ZNF324B: variants seen among roughly 807,000 people sequenced by gnomAD.
ZNF324B encodes the protein zinc finger protein 324B.
ZNF324B carries 7 observed loss-of-function variants against 10.6 expected under a neutral mutation model. That is an observed-to-expected ratio of 0.66 (90% CI 0.38 to 1.24). ZNF324B has a LOEUF of 1.24. Among genes scored for constraint, ZNF324B ranks in the 50% most tolerant of loss-of-function variants. ZNF324B has a pLI of 0.02. For missense variants in ZNF324B, 640 were observed against 764.7 expected, an observed-to-expected ratio of 0.84 and a Z score of 1.92; for synonymous variants, 316 against 321.0, an observed-to-expected ratio of 0.98 and a Z score of 0.17.
In ZNF324B at chr19:58,455,553, T is replaced by C. The variant is rs28703876; in HGVS notation, c.609T>C (p.Pro203=). ...ERQKPCAQEV[P]GRAFGNASDL... ...AGAAGCCATGTGCACAGGAGGTCCC[T>C]GGGAGAGCCTTCGGGAATGCCTCGG... Residue 203 remains proline, a synonymous_variant, in exon 4 of 4, where the codon CCT becomes CCC. Transcript: ENST00000336614. This position sits in a 1 kb window ranked among gnomAD's most constrained non-coding sequence, Gnocchi z 7.0. The C allele has an allele frequency of 1.2e-5, 19 of 1,613,974 alleles. No homozygotes were observed. The highest frequency in any genetic ancestry group is 1.5e-5 in the Non-Finnish European group (18 of 1,180,020).
chr19:58,443,861 C>T, the ZNF324B span: 2 of 152,252 alleles, frequency 1.3e-5, no homozygotes, highest in African/African-American at 4.8e-5. Context: ...GGTGATTTGT[C>T]ATGGGGTGGA....
At chr19:58,443,672 C>T in the ZNF324B span, 6 of 152,258 alleles carry the variant, frequency 3.9e-5, no homozygotes, top group Non-Finnish European at 7.3e-5. Flanking sequence ...CTGTCAGGAT[C>T]TGTGACTTTT....
At chr19:58,433,195 A>T in the ZNF324B span, 4 of 986,978 alleles carry the variant, frequency 4.1e-6, no homozygotes, top group South Asian at 6.6e-5. Context: ...TCAGAAACAG[A>T]GTAGCTTCTG....
rs1395596724 is a variant in ZNF324B at position 58,456,000 on chromosome 19, C to T, written c.1056C>T (p.His352=). The part of the protein sequence containing the change: ...RCSECGKAFS[H]GSNLSQHRKI... ...CCGAGTGCGGCAAGGCCTTCAGCCA[C>T]GGCTCCAACCTCAGCCAGCACCGCA... is the stretch of plus-strand genomic sequence containing the variant. The change falls in exon 4 of 4, where the codon CAC becomes CAT. Residue 352 remains histidine (H), a synonymous_variant. Coordinates refer to ENST00000336614, the MANE Select transcript of ZNF324B (RefSeq NM_207395.3). This position sits in a 1 kb window ranked among gnomAD's most constrained non-coding sequence, Gnocchi z 7.0. 1 of 1,594,808 alleles carries T rather than the reference C, an allele frequency of 6.3e-7. No homozygotes were observed. The highest frequency in any genetic ancestry group is 1.9e-4 in the Middle Eastern group (1 of 5,326).
At chr19:58,439,586 G>A in the ZNF324B span, among the ~76,000 whole-genome samples, 16 of 152,350 alleles carry the variant, frequency 1.1e-4, no homozygotes, top group African/African-American at 3.8e-4. Context: ...ATAACCCCTT[G>A]CCTGGATTCA....
chr19:58,423,138 G>A, the ZNF324B span, among the ~76,000 whole-genome samples: 4 of 149,830 alleles, frequency 2.7e-5, no homozygotes, highest in Admixed American at 2.7e-4. Context: ...CAAAGTGCTG[G>A]GATTACAAGC....
chr19:58,448,766 A>C (rs2052838394), upstream of ZNF324B, among the ~76,000 whole-genome samples: 1 of 152,176 alleles, frequency 6.6e-6, no homozygotes, highest in African/African-American at 2.4e-5. Flanking sequence ...TGGTGGAAGA[A>C]ATTTCTAAGC....
the ZNF324B span, chr19:58,440,078 C>T: frequency 5.9e-6 from 3 of 505,248 alleles, no homozygotes; most frequent in African/African-American, 6.1e-5. Flanking sequence ...GGTCCCTGCA[C>T]CCACTCCCGT....
At position 58,457,096 on chromosome 19, in the gene ZNF324B, G is replaced by A. The variant is rs1393149050; in HGVS notation, c.*517G>A. 1 of 163,172 alleles carries A rather than the reference G, an allele frequency of 6.1e-6. No homozygotes were observed. The highest frequency in any genetic ancestry group is 1.4e-5 in the Non-Finnish European group (1 of 73,970). 10.1% of individuals were successfully genotyped at this position (163,172 alleles called of 1,614,324 possible). A position where few individuals can be genotyped will look rare whatever the true frequency, so the allele number is the denominator to read the frequency against. ...GGAGACTACAGGGGACTGGGGATCA[G>A]GGTGTGGCCTGTGAGTGTCAGCCTC... On this transcript the variant is annotated 3_prime_UTR_variant, in exon 4 of 4. Transcript: ENST00000336614.
chr19:58,449,114 T>C (rs11669741), upstream of ZNF324B, among the ~76,000 whole-genome samples: 85,485 of 152,068 alleles, frequency 0.56, 25,508 homozygotes, highest in African/African-American at 0.78. Context: ...CTGCTTGAAC[T>C]ATGGCTAAAA....
At chr19:58,437,046 C>A in the ZNF324B span, 1 of 1,614,126 alleles carries the variant, frequency 6.2e-7, no homozygotes, top group Non-Finnish European at 8.5e-7. Flanking sequence ...CAGGGCATTA[C>A]CAAGTGAGGT....
In ZNF324B at chr19:58,456,628, C is replaced by A; in HGVS notation, c.*49C>A. The A allele has an allele frequency of 1.3e-6, 2 of 1,576,436 alleles. No individual in the cohort carries two copies. Among genetic ancestry groups the A allele is most frequent in the South Asian group, 1.2e-5 (1 of 84,856 alleles). ...TTTCTTGGCCTTCTGTGAATCCCTT[C>A]CACAGCTAAAGGGTCCGAGTGCTCT... On this transcript the variant is annotated 3_prime_UTR_variant, in exon 4 of 4. Transcript: ENST00000336614. The surrounding 1 kb of genome is among the most constrained non-coding windows in gnomAD (Gnocchi z 4.7).
In ZNF324B at chr19:58,455,250, A is replaced by G; in HGVS notation, c.306A>G (p.Pro102=). Residue 102 remains proline, a synonymous_variant, in exon 4 of 4, where the codon CCA becomes CCG. Coordinates refer to ENST00000336614, the MANE Select transcript of ZNF324B (RefSeq NM_207395.3). This position sits in a 1 kb window ranked among gnomAD's most constrained non-coding sequence, Gnocchi z 7.0. The part of the protein sequence containing the change: ...GEWPRAFPDT[P]PGMTTSVFPV... ...GGCCACGAGCTTTCCCAGATACCCCACCTGGGATGACTACTAGCGTCTTCC... is the reference window on the plus strand; with the variant it reads ...GGCCACGAGCTTTCCCAGATACCCCGCCTGGGATGACTACTAGCGTCTTCC... The G allele has an allele frequency of 6.2e-7, 1 of 1,614,138 alleles. No individual in the cohort carries two copies. The highest frequency in any genetic ancestry group is 8.5e-7 in the Non-Finnish European group (1 of 1,180,024).
chr19:58,457,689 A>C lies in ZNF324B; in HGVS notation c.*1110A>C, dbSNP rs2052935867. The C allele has an allele frequency of 6.6e-6, 1 of 152,140 alleles. No individual in the cohort carries two copies. Among genetic ancestry groups the C allele is most frequent in the Non-Finnish European group, 1.5e-5 (1 of 68,066 alleles). The allele number at this position is 152,140 out of a possible 1,614,324, so 9.4% of individuals were successfully genotyped here. On this transcript the variant is annotated 3_prime_UTR_variant, in exon 4 of 4. Transcript: ENST00000336614. ...CTGCATGGCAGAGACAAAAGGGTAG[A>C]CTGGGGGTCATTTGCTTCCTGTGGC...
chr19:58,424,558 C>T, the ZNF324B span, among the ~76,000 whole-genome samples: 2 of 152,100 alleles, frequency 1.3e-5, no homozygotes, highest in African/African-American at 2.4e-5. Flanking sequence ...TTATTAGAAT[C>T]GTTAAAATGA....
At chr19:58,426,277 G>A in the ZNF324B span, among the ~76,000 whole-genome samples, 9 of 152,204 alleles carry the variant, frequency 5.9e-5, no homozygotes, top group African/African-American at 1.7e-4. Context: ...GGCGTGGTAG[G>A]ACAACATTGT....
At chr19:58,435,694 T>C in the ZNF324B span, 1 of 157,388 alleles carries the variant, frequency 6.4e-6, no homozygotes, top group African/African-American at 2.4e-5. Context: ...GAAAACAGTT[T>C]GGCAAGTCTG....
chr19:58,447,565 C>T (rs377518778), upstream of ZNF324B, among the ~76,000 whole-genome samples: 20 of 152,144 alleles, frequency 1.3e-4, 1 homozygote, highest in Non-Finnish European at 2.8e-4. Flanking sequence ...TTAAACGTCT[C>T]CAAACATTAA....
chr19:58,445,182 G>T, the ZNF324B span: 18 of 296,136 alleles, frequency 6.1e-5, no homozygotes, highest in Middle Eastern at 1.2e-3. Context: ...CTACATGAAA[G>T]CTTTCAGTGA....
Sources: gnomAD v4.1 joint callset for allele counts (sites outside exome capture counted in the v4.1 genomes callset) on GRCh38, gnomAD v4.1.1 for gene constraint, Gnocchi (gnomAD v3.1) non-coding constraint, MANE v1.5 for transcripts, NCBI Gene and HGNC (gene_info 2026-07-23, HGNC 2026-07-21) for gene names.